Variants in ARB2A observed in about 807,000 individuals in gnomAD.
The protein encoded by ARB2A is cotranscriptional regulator ARB2A.
At chr5:94,022,186 T>C in the ARB2A span, among the ~76,000 whole-genome samples, 1 of 152,206 alleles carries the variant, frequency 6.6e-6, no homozygotes, top group African/African-American at 2.4e-5. Flanking sequence ...AGCAAGACTC[T>C]GTCCCAAATA....
chr5:94,059,957 A>C, the ARB2A span, among the ~76,000 whole-genome samples: 1 of 152,226 alleles, frequency 6.6e-6, no homozygotes, highest in African/African-American at 2.4e-5. Context: ...TGTGTACTTC[A>C]AAAGAAAATT....
chr5:93,682,875 C>G, the ARB2A span: 6 of 1,478,102 alleles, frequency 4.1e-6, no homozygotes, highest in African/African-American at 1.4e-5. Flanking sequence ...TCTTGAATAG[C>G]CTCTTGGTTA....
chr5:93,640,937 C>G, the ARB2A span, among the ~76,000 whole-genome samples: 1 of 151,972 alleles, frequency 6.6e-6, no homozygotes, highest in Non-Finnish European at 1.5e-5. Flanking sequence ...TGTGGTGGTT[C>G]ACGCCTGTAA....
the ARB2A span, among the ~76,000 whole-genome samples, chr5:93,835,244 A>G: frequency 6.6e-6 from 1 of 152,188 alleles, no homozygotes; most frequent in Non-Finnish European, 1.5e-5. Context: ...TGCATTTATG[A>G]TGGACTACCT....
the ARB2A span, among the ~76,000 whole-genome samples, chr5:94,068,434 G>A: frequency 6.6e-5 from 10 of 152,298 alleles, no homozygotes; most frequent in East Asian, 1.4e-3. Flanking sequence ...AGCTCAGCTC[G>A]AGCAGTAACA....
chr5:93,906,512 A>T, the ARB2A span, among the ~76,000 whole-genome samples: 12 of 151,726 alleles, frequency 7.9e-5, no homozygotes, highest in Middle Eastern at 3.4e-3. Context: ...AAAAATGTAC[A>T]GCAATTTGTA....
chr5:93,824,323 AAAC>A, the ARB2A span: 4 of 1,286,242 alleles, frequency 3.1e-6, no homozygotes, highest in African/African-American at 6.0e-5. Context: ...TTATCATAGC[AAAC>A]AACAATTAAA....
chr5:93,727,241 T>C, the ARB2A span, among the ~76,000 whole-genome samples: 3 of 152,066 alleles, frequency 2.0e-5, no homozygotes, highest in Non-Finnish European at 2.9e-5. Flanking sequence ...GGTATAGCTA[T>C]CTCTCTTGGG....
chr5:93,642,895 A>T, the ARB2A span, among the ~76,000 whole-genome samples: 1 of 152,298 alleles, frequency 6.6e-6, no homozygotes, highest in African/African-American at 2.4e-5. Context: ...TTAACCACCT[A>T]TAGAGAATAG....
At chr5:93,935,095 G>A in the ARB2A span, among the ~76,000 whole-genome samples, 1 of 152,094 alleles carries the variant, frequency 6.6e-6, no homozygotes, top group Non-Finnish European at 1.5e-5. Context: ...AAGGGTGGGA[G>A]GCGGGTGAGG....
chr5:94,056,799 G>A, the ARB2A span, among the ~76,000 whole-genome samples: 1 of 152,166 alleles, frequency 6.6e-6, no homozygotes, highest in South Asian at 2.1e-4. Context: ...ATGGGTGAAT[G>A]GTATGATGGC....
chr5:93,855,385 A>C, the ARB2A span, among the ~76,000 whole-genome samples: 1 of 152,260 alleles, frequency 6.6e-6, no homozygotes, highest in African/African-American at 2.4e-5. Flanking sequence ...TGAATACAGC[A>C]CACTGATGGG....
chr5:94,046,751 A>G, the ARB2A span, among the ~76,000 whole-genome samples: 1 of 152,162 alleles, frequency 6.6e-6, no homozygotes, highest in African/African-American at 2.4e-5. Context: ...ACTCATGCTT[A>G]TCGGATTCTG....
chr5:93,931,786 C>T, the ARB2A span, among the ~76,000 whole-genome samples: 2 of 151,726 alleles, frequency 1.3e-5, no homozygotes, highest in Admixed American at 6.6e-5. Flanking sequence ...ATCATAAAGC[C>T]ACCCACTCCT....
chr5:93,795,964 A>G, the ARB2A span, among the ~76,000 whole-genome samples: 1 of 152,230 alleles, frequency 6.6e-6, no homozygotes, highest in Non-Finnish European at 1.5e-5. Context: ...AGCAAGTTAT[A>G]CCTGTGATTT....
the ARB2A span, chr5:93,619,765 G>A: frequency 6.6e-6 from 1 of 152,270 alleles, no homozygotes; most frequent in African/African-American, 2.4e-5. Context: ...ATCTTAGCTG[G>A]ATTAAAATAA....
chr5:94,055,437 CCT>C, the ARB2A span, among the ~76,000 whole-genome samples: 2 of 152,110 alleles, frequency 1.3e-5, no homozygotes, highest in African/African-American at 4.8e-5. Flanking sequence ...CAGTCACTAG[CCT>C]CTCTCTGTAG....
At chr5:93,732,521 C>T in the ARB2A span, among the ~76,000 whole-genome samples, 5 of 151,842 alleles carry the variant, frequency 3.3e-5, no homozygotes, top group African/African-American at 1.2e-4. Flanking sequence ...GAAAAACAGA[C>T]ATATGGCAGG....
chr5:94,012,939 T>C, the ARB2A span, among the ~76,000 whole-genome samples: 4 of 152,094 alleles, frequency 2.6e-5, no homozygotes, highest in African/African-American at 9.7e-5. Flanking sequence ...TTAGCAGTGA[T>C]TGGTAGAAAG....
Sources: gnomAD v4.1 joint callset for allele counts (sites outside exome capture counted in the v4.1 genomes callset) on GRCh38, gnomAD v4.1.1 for gene constraint, MANE v1.5 for transcripts, NCBI Gene and HGNC (gene_info 2026-07-23, HGNC 2026-07-21) for gene names.